Variants in HIRA observed in about 807,000 individuals in gnomAD.
The protein encoded by HIRA is histone cell cycle regulator, also known as protein HIRA.
HIRA carries 13 observed loss-of-function variants against 126.6 expected under a neutral mutation model. The observed-to-expected ratio is 0.10, with a 90% CI of 0.07 to 0.16. The LOEUF is 0.16. Ranked by LOEUF, HIRA falls within the 10% of genes least tolerant of loss-of-function variation. The pLI is 1.00. For synonymous variants in HIRA, 511 were observed against 520.0 expected, an observed-to-expected ratio of 0.98 and a Z score of 0.24; for missense variants, 834 against 1,314.4, an observed-to-expected ratio of 0.63 and a Z score of 5.65.
chr22:19,338,212 G>A (rs2088588125), intron 24 of HIRA, among the ~76,000 whole-genome samples: 2 of 152,092 alleles, frequency 1.3e-5, no homozygotes, highest in African/African-American at 4.8e-5. Context: ...TTAGTATCCA[G>A]CAAAATTAAG....
At chr22:19,369,268 G>A (rs5748158) in intron 15 of HIRA, among the ~76,000 whole-genome samples, 4,651 of 152,234 alleles carry the variant, frequency 0.031, 146 homozygotes, top group South Asian at 0.13. Context: ...CTGTACCTGG[G>A]ATGCTAGCAT....
At chr22:19,370,733 A>G (rs2088957215) in intron 15 of HIRA, among the ~76,000 whole-genome samples, 2 of 152,336 alleles carry the variant, frequency 1.3e-5, no homozygotes, top group African/African-American at 4.8e-5. Flanking sequence ...CCAGGCTCCT[A>G]GAAGCTCACT....
In HIRA at chr22:19,336,090, CA is replaced by C. The variant is rs377434024; in HGVS notation, c.2938-4535del. Reference sequence around the variant, plus strand: ...TCAAAAGAGACAATCTTGAAAGTGGCAAAAAAAAAGTGACTCATGAGAGGGA... The same window carrying C: ...TCAAAAGAGACAATCTTGAAAGTGGCAAAAAAAAGTGACTCATGAGAGGGA... On this transcript the variant is annotated intron_variant, in intron 24 of 24. Transcript: ENST00000263208. 4.5e-3 allele frequency among the ~76,000 whole-genome samples: 675 copies of C among 150,282 alleles called. 2 individuals carry two copies. Among genetic ancestry groups the C allele is most frequent in the African/African-American group, 0.013 (531 of 40,970 alleles).
Position 19,406,321 on chromosome 22 carries a change from C to T in HIRA, c.303-441G>A, listed in dbSNP as rs145727579. Among the ~76,000 whole-genome samples, 1,098 of 152,226 alleles carry T rather than the reference C, an allele frequency of 7.2e-3. 5 individuals carry two copies. The highest frequency in any genetic ancestry group is 0.011 in the Non-Finnish European group (746 of 68,014). ...TATTTTTAGTTTTCTAAATTGTATA[C>T]TAAATGTTACTTATGTTGGCTATTT... is the stretch of plus-strand genomic sequence containing the variant. On this transcript the variant is annotated intron_variant, in intron 4 of 24. Transcript: ENST00000263208.
At chr22:19,412,972 AAAT>A (rs1434023095) in intron 1 of HIRA, among the ~76,000 whole-genome samples, 1 of 152,208 alleles carries the variant, frequency 6.6e-6, no homozygotes, top group Non-Finnish European at 1.5e-5. Flanking sequence ...CTTCCTGCAG[AAAT>A]AATAACTGAA....
At chr22:19,382,771 CTTTTT>C (rs796469831) in intron 13 of HIRA, among the ~76,000 whole-genome samples, 2 of 102,118 alleles carry the variant, frequency 2.0e-5, no homozygotes. Context: ...ATTTTTCTTT[CTTTTT>C]TTTTTTTTTT....
chr22:19,366,741 A>G (rs1017925721), intron 15 of HIRA, among the ~76,000 whole-genome samples: 43 of 152,172 alleles, frequency 2.8e-4, no homozygotes, highest in African/African-American at 1.0e-3. Flanking sequence ...TGCTGTGCAT[A>G]TTGTTGAAAT....
chr22:19,370,141 C>T (rs1041263839), intron 15 of HIRA, among the ~76,000 whole-genome samples: 4 of 151,952 alleles, frequency 2.6e-5, no homozygotes, highest in Admixed American at 1.3e-4. Context: ...ATAGTAGAGA[C>T]GGGGTTTCAC....
In HIRA at chr22:19,384,622, C is replaced by T. The variant is rs149474106; in HGVS notation, c.1329+899G>A. 8.4e-4 allele frequency among the ~76,000 whole-genome samples: 128 copies of T among 152,054 alleles called. 1 individual carries two copies. The highest frequency in any genetic ancestry group is 2.9e-3 in the African/African-American group (120 of 41,498). On this transcript the variant is annotated intron_variant, in intron 12 of 24. Coordinates refer to ENST00000263208, the MANE Select transcript of HIRA (RefSeq NM_003325.4). Reference sequence around the variant, plus strand: ...AAGGACTGAGCTCTGTACCCGTGAACCACACATCTGTCACTAAGCTAGGGA... The same window carrying T: ...AAGGACTGAGCTCTGTACCCGTGAATCACACATCTGTCACTAAGCTAGGGA...
intron 19 of HIRA, among the ~76,000 whole-genome samples, chr22:19,356,599 T>C (rs1402747864): frequency 2.0e-5 from 3 of 152,156 alleles, no homozygotes; most frequent in African/African-American, 7.2e-5. Context: ...AAGACTCCAT[T>C]TCTGATGAAT....
intron 24 of HIRA, among the ~76,000 whole-genome samples, chr22:19,349,941 A>T (rs1453184091): frequency 6.1e-5 from 9 of 148,374 alleles, no homozygotes; most frequent in African/African-American, 2.0e-4. Context: ...TTCATCCCTC[A>T]CCTTTTCTGG....
intron 13 of HIRA, among the ~76,000 whole-genome samples, chr22:19,380,662 G>C (rs2089064721): frequency 6.6e-6 from 1 of 152,002 alleles, no homozygotes; most frequent in East Asian, 1.9e-4. Context: ...ACCCAGGCTG[G>C]AGAGTGGCAC....
intron 22 of HIRA, 117 bp from the exon 23 acceptor site, chr22:19,353,636 G>A: frequency 9.6e-7 from 1 of 1,044,430 alleles, no homozygotes; most frequent in Non-Finnish European, 1.4e-6. Flanking sequence ...GGCTGCCAAG[G>A]CCTCCCGTCC....
intron 5 of HIRA, among the ~76,000 whole-genome samples, chr22:19,404,978 CCTCT>C (rs1242231348): frequency 6.6e-6 from 1 of 152,198 alleles, no homozygotes; most frequent in African/African-American, 2.4e-5. Context: ...GTCACAATGA[CCTCT>C]CTGTTGTGCT....
chr22:19,362,259 G>T (rs568851679), intron 15 of HIRA, among the ~76,000 whole-genome samples: 6 of 152,236 alleles, frequency 3.9e-5, no homozygotes, highest in African/African-American at 1.4e-4. Flanking sequence ...ACATAAAATA[G>T]AATCTTTTGT....
intron 1 of HIRA, among the ~76,000 whole-genome samples, chr22:19,416,584 C>T (rs565159500): frequency 6.6e-6 from 1 of 152,228 alleles, no homozygotes; most frequent in East Asian, 1.9e-4. Context: ...AAGCGATCTG[C>T]TACCTTTACG....
At chr22:19,386,565 G>GA (rs2089129468) in intron 11 of HIRA, among the ~76,000 whole-genome samples, 1 of 152,220 alleles carries the variant, frequency 6.6e-6, no homozygotes, top group Non-Finnish European at 1.5e-5. Context: ...CTTGAATGTG[G>GA]CCAGGAACCT....
chr22:19,335,204 A>C (rs2088551284), intron 24 of HIRA, among the ~76,000 whole-genome samples: 1 of 151,312 alleles, frequency 6.6e-6, no homozygotes, highest in Non-Finnish European at 1.5e-5. Flanking sequence ...ATAATTACAA[A>C]CTACATTTTC....
At chr22:19,408,652 T>TA in intron 2 of HIRA, 59 bp from the exon 3 acceptor site, 8 of 940,940 alleles carry the variant, frequency 8.5e-6, no homozygotes, top group Non-Finnish European at 1.4e-5. Flanking sequence ...GATATTAATA[T>TA]TTAATGTCAA....
Sources: allele counts gnomAD v4.1 joint callset (sites outside exome capture counted in the v4.1 genomes callset), GRCh38; gene constraint gnomAD v4.1.1; transcripts MANE v1.5; gene names NCBI Gene and HGNC (gene_info 2026-07-23, HGNC 2026-07-21).